The following ZNF578 variants were observed in gnomAD, a reference collection of about 807,000 sequenced individuals.
ZNF578 encodes the protein Putative chemokine-related protein B42.
In ZNF578, 8 loss-of-function variants were observed where a neutral mutation model predicts 8.3. The observed-to-expected ratio is 0.96, with a 90% CI of 0.56 to 1.74. The LOEUF (loss-of-function observed/expected upper bound fraction) is 1.74. ZNF578 is among the 40% of genes most tolerant of loss of function. The probability of loss-of-function intolerance (pLI) is 0.00; values close to 1 mark genes in which losing one functional copy is unlikely to be tolerated. For missense variants in ZNF578, 726 were observed against 707.5 expected, an observed-to-expected ratio of 1.03 and a Z score of -0.30; for synonymous variants, 206 against 232.2, an observed-to-expected ratio of 0.89 and a Z score of 1.03.
intron 5 of ZNF578, among the ~76,000 whole-genome samples, chr19:52,505,471 G>A (rs182481966): frequency 7.4e-4 from 113 of 152,050 alleles, no homozygotes; most frequent in Non-Finnish European, 1.2e-3. Flanking sequence ...CACCCAGGCC[G>A]ACTGCAGTGG....
chr19:52,511,837 A>C lies in ZNF578; in HGVS notation c.1456A>C (p.Asn486His). Residue 486 changes from asparagine (N) to histidine (H), a missense_variant, in exon 6 of 6, where the codon AAT becomes CAT. Physicochemically the swap from Asn to His is moderately conservative, Grantham distance 68. Transcript: ENST00000421239. The part of the protein sequence containing the change: ...IHTGEKPYKC[N>H]ECHKTFSHRS... The stretch of plus-strand genomic sequence containing the variant: ...TACTGGAGAGAAACCTTACAAGTGT[A>C]ATGAGTGTCACAAGACCTTCAGTCA... 1 of 1,613,738 alleles carries C rather than the reference A, an allele frequency of 6.2e-7. No individual in the cohort carries two copies. The highest frequency in any genetic ancestry group is 8.5e-7 in the Non-Finnish European group (1 of 1,179,858).
chr19:52,485,545 A>G (rs2059342592), intron 2 of ZNF578, among the ~76,000 whole-genome samples: 2 of 152,126 alleles, frequency 1.3e-5, no homozygotes, highest in African/African-American at 4.8e-5. Context: ...TCCTGTAGGG[A>G]AAGGAAAGAG....
chr19:52,456,514 G>C (rs1056370391), intron 1 of ZNF578: 1 of 152,466 alleles, frequency 6.6e-6, no homozygotes, highest in Admixed American at 6.5e-5. Context: ...TCCACAGAGA[G>C]GGGAGAGGCT....
rs917399439 is a variant in ZNF578 at position 52,515,827 on chromosome 19, T to C, written c.*3673T>C. Among the ~76,000 whole-genome samples, 10 of 150,654 alleles carry C rather than the reference T, an allele frequency of 6.6e-5. No homozygotes were observed. Among genetic ancestry groups the C allele is most frequent in the African/African-American group, 2.0e-4 (8 of 40,934 alleles). ...AACAAAAGCAGAAGAATGGAAGAAA[T>C]AGAGGTAGACTCAGACACAGAGACC... On this transcript the variant is annotated 3_prime_UTR_variant, in exon 6 of 6. Coordinates refer to ENST00000421239, the MANE Select transcript of ZNF578 (RefSeq NM_001099694.2).
At chr19:52,497,085 A>G (rs2059389628) in intron 3 of ZNF578, among the ~76,000 whole-genome samples, 1 of 151,538 alleles carries the variant, frequency 6.6e-6, no homozygotes, top group Non-Finnish European at 1.5e-5. Context: ...GGCACGCCCC[A>G]CGAGGCCTGG....
intron 2 of ZNF578, among the ~76,000 whole-genome samples, chr19:52,476,539 C>G (rs551619517): frequency 6.6e-6 from 1 of 152,172 alleles, no homozygotes; most frequent in African/African-American, 2.4e-5. Context: ...AGGAATTTCC[C>G]TAAACTTTTC....
Position 52,466,478 on chromosome 19 carries a change from C to T in ZNF578, c.-122+9520C>T, listed in dbSNP as rs188326878. Among the ~76,000 whole-genome samples the T allele has an allele frequency of 2.6e-4, 40 of 152,216 alleles. No individual in the cohort carries two copies. In the East Asian group the frequency reaches 7.1e-3, roughly 27 times the overall value. Reference sequence around the variant, plus strand: ...TTATGGCCAGTTTATACAGGCACCCCGTAAGCCCTTTCCCCAACAGTTTTC... The same window carrying T: ...TTATGGCCAGTTTATACAGGCACCCTGTAAGCCCTTTCCCCAACAGTTTTC... On this transcript the variant is annotated intron_variant, in intron 2 of 5. Coordinates refer to ENST00000421239, the MANE Select transcript of ZNF578 (RefSeq NM_001099694.2).
At position 52,514,320 on chromosome 19, in the gene ZNF578, A is replaced by G. The variant is rs1213379634; in HGVS notation, c.*2166A>G. Among the ~76,000 whole-genome samples the G allele has an allele frequency of 6.6e-6, 1 of 152,182 alleles. No individual in the cohort carries two copies. The highest frequency in any genetic ancestry group is 6.5e-5 in the Admixed American group (1 of 15,268). On this transcript the variant is annotated 3_prime_UTR_variant, in exon 6 of 6. Transcript: ENST00000421239. ...ATTCGTGAGATTTTTTTCCTACAAC[A>G]ATTTCAAAAGAGTTGCTGTTTGAAA... is the stretch of plus-strand genomic sequence containing the variant.
intron 1 of ZNF578, chr19:52,454,181 A>T (rs530223003): frequency 6.6e-6 from 1 of 152,312 alleles, no homozygotes; most frequent in South Asian, 2.1e-4. Flanking sequence ...CCGCTGGAAA[A>T]TGTGCTCTTC....
intron 2 of ZNF578, among the ~76,000 whole-genome samples, chr19:52,467,667 G>A (rs905694016): frequency 2.0e-5 from 3 of 151,840 alleles, no homozygotes; most frequent in Admixed American, 6.6e-5. Flanking sequence ...AAATGCTGAC[G>A]AAAGAAATCA....
rs329938 is a variant in ZNF578 at position 52,512,447 on chromosome 19, A to G, written c.*293A>G. The G allele has an allele frequency of 4.0e-3, 5,502 of 1,385,064 alleles. 162 individuals carry two copies. The African/African-American group carries it at 0.066, about 17-fold the overall frequency. 85.8% of individuals were successfully genotyped at this position (1,385,064 alleles called of 1,614,324 possible). On this transcript the variant is annotated 3_prime_UTR_variant, in exon 6 of 6. Coordinates refer to ENST00000421239, the MANE Select transcript of ZNF578 (RefSeq NM_001099694.2). ...TCTTCCGAGTGTAATAAATGTGGCA[A>G]ATTTTTCAGACATCGTTCATACCTT...
chr19:52,465,281 C>G (rs576751122), intron 2 of ZNF578, among the ~76,000 whole-genome samples: 29 of 152,286 alleles, frequency 1.9e-4, no homozygotes, highest in Non-Finnish European at 3.4e-4. Flanking sequence ...CTCCCTCCCC[C>G]ACCACTCACT....
At chr19:52,486,964 GAA>G (rs1364720420) in intron 2 of ZNF578, among the ~76,000 whole-genome samples, 1 of 151,740 alleles carries the variant, frequency 6.6e-6, no homozygotes, top group Non-Finnish European at 1.5e-5. Flanking sequence ...CAGGAAGAAA[GAA>G]AAGAAAACAA....
chr19:52,486,011 A>G lies in ZNF578; in HGVS notation c.-121-5313A>G, dbSNP rs146476985. On this transcript the variant is annotated intron_variant, in intron 2 of 5. Coordinates refer to ENST00000421239, the MANE Select transcript of ZNF578 (RefSeq NM_001099694.2). ...AGAGGAAGGCCTCTTTGCAGTTGAGATAAGAGGAAGGCATCTGTCTCCTGC... is the reference window on the plus strand; with the variant it reads ...AGAGGAAGGCCTCTTTGCAGTTGAGGTAAGAGGAAGGCATCTGTCTCCTGC... Among the ~76,000 whole-genome samples, 749 of 152,286 alleles carry G rather than the reference A, an allele frequency of 4.9e-3. 3 individuals carry two copies. Among genetic ancestry groups the G allele is most frequent in the African/African-American group, 0.017 (720 of 41,566 alleles).
chr19:52,495,201 G>T (rs1440588421), intron 3 of ZNF578, among the ~76,000 whole-genome samples: 1 of 132,350 alleles, frequency 7.6e-6, no homozygotes, highest in South Asian at 2.4e-4. Context: ...TTTCACTCCT[G>T]TTGCCCAGGC....
In ZNF578 at chr19:52,514,749, A is replaced by G. The variant is rs368173798; in HGVS notation, c.*2595A>G. On this transcript the variant is annotated 3_prime_UTR_variant, in exon 6 of 6. Coordinates refer to ENST00000421239, the MANE Select transcript of ZNF578 (RefSeq NM_001099694.2). ...GCGATCTCAGCTCACTGCAACCTCT[A>G]CCTCCTTGGATCAAGTGATGCTCCT... Among the ~76,000 whole-genome samples, 43 of 151,724 alleles carry G rather than the reference A, an allele frequency of 2.8e-4. No individual in the cohort carries two copies. In the East Asian group the frequency reaches 5.8e-3, roughly 21 times the overall value.
Position 52,504,753 on chromosome 19 carries a change from G to A in ZNF578, c.162G>A (p.Leu54=). ...AQRALYREVM[L]ENYRNLEAVD... is the part of the protein sequence containing the mutation. ...GGGCTTTGTACAGGGAAGTGATGTT[G>A]GAGAACTACAGGAACCTGGAGGCTG... The change falls in exon 5 of 6, where the codon TTG becomes TTA. Residue 54 remains leucine, a synonymous_variant. Transcript: ENST00000421239. The A allele has an allele frequency of 1.9e-6, 3 of 1,614,112 alleles. No homozygotes were observed. Among genetic ancestry groups the A allele is most frequent in the Non-Finnish European group, 2.5e-6 (3 of 1,180,032 alleles).
At chr19:52,465,281 C>A (rs576751122) in intron 2 of ZNF578, among the ~76,000 whole-genome samples, 2 of 152,286 alleles carry the variant, frequency 1.3e-5, no homozygotes, top group East Asian at 3.9e-4. Context: ...CTCCCTCCCC[C>A]ACCACTCACT....
In ZNF578 at chr19:52,472,411, G is replaced by T. The variant is rs2059294772; in HGVS notation, c.-122+15453G>T. Among the ~76,000 whole-genome samples, 6 of 152,284 alleles carry T rather than the reference G, an allele frequency of 3.9e-5. No homozygotes were observed. In the South Asian group the frequency reaches 1.2e-3, roughly 32 times the overall value. On this transcript the variant is annotated intron_variant, in intron 2 of 5. Transcript: ENST00000421239. ...ACAGTTAAATGTGAATTCTATTCAAGAACATGCTATATTGGCAGTTTTCAT... is the reference window on the plus strand; with the variant it reads ...ACAGTTAAATGTGAATTCTATTCAATAACATGCTATATTGGCAGTTTTCAT...
Sources: allele counts gnomAD v4.1 joint callset (sites outside exome capture counted in the v4.1 genomes callset), GRCh38; gene constraint gnomAD v4.1.1; transcripts MANE v1.5; gene names NCBI Gene and HGNC (gene_info 2026-07-23, HGNC 2026-07-21).